GPR179: variants seen among roughly 807,000 people sequenced by gnomAD.
GPR179 encodes probable G protein-coupled receptor 179.
In GPR179, 52 loss-of-function variants were observed where a neutral mutation model predicts 70.8. The observed-to-expected ratio is 0.73, with a 90% confidence interval of 0.59 to 0.93. GPR179 has a LOEUF of 0.93. Ranked by LOEUF, GPR179 falls within the 40% of genes least tolerant of loss-of-function variation. The pLI is 0.00. For synonymous variants in GPR179, 1,123 were observed against 1,169.0 expected, an observed-to-expected ratio of 0.96 and a Z score of 0.80; for missense variants, 2,734 against 2,966.8, an observed-to-expected ratio of 0.92 and a Z score of 1.82.
rs1331794648 is a variant in GPR179, at chr17:38,328,157, C to T, written c.5412G>A (p.Trp1804Ter). The T allele has an allele frequency of 6.2e-7, 1 of 1,613,500 alleles. No homozygotes were observed. Among genetic ancestry groups the T allele is most frequent in the Non-Finnish European group, 8.5e-7 (1 of 1,179,934 alleles). The change falls in exon 11 of 11, where the codon TGG becomes TGA. Residue 1804 changes from tryptophan (W) to a stop codon, truncating the protein, a stop_gained. Coordinates refer to ENST00000616987, the MANE Select transcript of GPR179 (RefSeq NM_001004334.4). LOFTEE classifies it low-confidence loss of function (END_TRUNC). ...MGCRPGEVCP[W>*]EAQEAATSEK... ...CACTGGTAGCAGCTTCCTGTGCTTC[C>T]CAGGGACACACTTCACCTGGCCTGC...
chr17:38,334,976 C>T lies in GPR179; in HGVS notation c.1645+57G>A. Reference sequence around the variant, plus strand: ...TCAGGAGAACCAGAACAAGAGGAACCCTGGAGGCACAGAGGCAGGGACCAG... The same window carrying T: ...TCAGGAGAACCAGAACAAGAGGAACTCTGGAGGCACAGAGGCAGGGACCAG... On this transcript the variant is annotated intron_variant, in intron 7 of 10. Transcript: ENST00000616987. The surrounding 1 kb of genome is among the most constrained non-coding windows in gnomAD (Gnocchi z 4.7). The T allele has an allele frequency of 6.3e-7, 1 of 1,583,214 alleles. No homozygotes were observed. Among genetic ancestry groups the T allele is most frequent in the Non-Finnish European group, 8.6e-7 (1 of 1,156,468 alleles).
At position 38,330,992 on chromosome 17, in the gene GPR179, C is replaced by T. The variant is rs1423093203; in HGVS notation, c.2577G>A (p.Leu859=). 6.2e-7 allele frequency: 1 copy of T among 1,612,146 alleles called. No individual in the cohort carries two copies. Among genetic ancestry groups the T allele is most frequent in the South Asian group, 1.1e-5 (1 of 90,890 alleles). The part of the protein sequence containing the change: ...KALLMASQAY[L]EETYRQAKER... ...CCTTTGCTTGCCGGTAGGTCTCCTC[C>T]AGGTAGGCCTGGCTGGCCATGAGCA... is the stretch of plus-strand genomic sequence containing the variant. Residue 859 remains leucine, a synonymous_variant, in exon 11 of 11, where the codon CTG becomes CTA. Transcript: ENST00000616987.
chr17:38,342,868 A>G (rs1424709593), intron 1 of GPR179, 128 bp downstream of exon 1: 1 of 857,936 alleles, frequency 1.2e-6, no homozygotes, highest in Non-Finnish European at 1.8e-6. Flanking sequence ...GAGTACAAAT[A>G]CCCACATCTG....
chr17:38,327,790 C>G lies in GPR179; in HGVS notation c.5779G>C (p.Glu1927Gln), dbSNP rs2037303946. The G allele has an allele frequency of 6.8e-6, 11 of 1,614,022 alleles. No homozygotes were observed. Among genetic ancestry groups the G allele is most frequent in the Non-Finnish European group, 8.5e-6 (10 of 1,180,038 alleles). ...RQDPKTGSFP[E>Q]HITQEKAPAA... ...GGAGCTTTTTCTTGGGTTATGTGTT[C>G]TGGGAAGGAACCTGTCTTTGGGTCT... Residue 1927 changes from glutamate (E) to glutamine (Q), a missense_variant, in exon 11 of 11, where the codon GAA (glutamate) becomes CAA (glutamine). Physicochemically the swap from Glu to Gln is conservative, Grantham distance 29 (BLOSUM62 2). Transcript: ENST00000616987.
At position 38,326,795 on chromosome 17, in the gene GPR179, A is replaced by C; in HGVS notation, c.6774T>G (p.Ala2258=). Residue 2258 remains alanine, a synonymous_variant, in exon 11 of 11, where the codon GCT becomes GCG. Coordinates refer to ENST00000616987, the MANE Select transcript of GPR179 (RefSeq NM_001004334.4). ...GVPSEESGLL[A]LTATRREFFP... ...AAAATTCTCTCCGAGTTGCTGTTAAAGCCAGGAGGCCAGATTCCTCAGATG... is the reference window on the plus strand; with the variant it reads ...AAAATTCTCTCCGAGTTGCTGTTAACGCCAGGAGGCCAGATTCCTCAGATG... The C allele has an allele frequency of 6.2e-7, 1 of 1,614,232 alleles. No homozygotes were observed.
intron 1 of GPR179, 92 bp downstream of exon 1, chr17:38,342,904 C>A: frequency 1.6e-6 from 2 of 1,254,002 alleles, no homozygotes; most frequent in East Asian, 2.3e-5. Flanking sequence ...TGCACATGTT[C>A]GTGCCAAATG....
Position 38,333,836 on chromosome 17 carries a change from A to G in GPR179, c.1890+97T>C. 3.4e-6 allele frequency: 3 copies of G among 888,344 alleles called. No homozygotes were observed. In the South Asian group the frequency reaches 4.8e-5, roughly 14 times the overall value. The allele number at this position is 888,344 out of a possible 1,614,324, so 55.0% of individuals were successfully genotyped here. A position where few individuals can be genotyped will look rare whatever the true frequency, so the allele number is the denominator to read the frequency against. ...TCACCCAGCACCTTCTGTCGTCCTC[A>G]CCCTGGCCTGCAGAGGGCGCTGCGG... is the stretch of plus-strand genomic sequence containing the variant. On this transcript the variant is annotated intron_variant, in intron 9 of 10. Transcript: ENST00000616987.
In GPR179 at chr17:38,327,234, G is replaced by A. The variant is rs542057732; in HGVS notation, c.6335C>T (p.Ala2112Val). Residue 2112 changes from alanine (A) to valine (V), a missense_variant, in exon 11 of 11, where the codon GCG (alanine) becomes GTG (valine). Physicochemically the swap from Ala to Val is moderately conservative, Grantham distance 64 (BLOSUM62 0). Transcript: ENST00000616987. ...EAAGSVETRV[A>V]EVCLWEVVEA... ...TACCACTTCCCACAGACACACTTCCGCTACCCTGGTCTCCACACTGCCTGC... is the reference window on the plus strand; with the variant it reads ...TACCACTTCCCACAGACACACTTCCACTACCCTGGTCTCCACACTGCCTGC... The A allele has an allele frequency of 8.8e-5, 142 of 1,614,156 alleles. 1 individual carries two copies. In the Admixed American group the frequency reaches 1.9e-3, roughly 22 times the overall value.
rs756525313 is a variant in GPR179 at position 38,329,605 on chromosome 17, G to T, written c.3964C>A (p.Pro1322Thr). Residue 1322 changes from proline (P) to threonine (T), a missense_variant, in exon 11 of 11, where the codon CCC becomes ACC. Coordinates refer to ENST00000616987, the MANE Select transcript of GPR179 (RefSeq NM_001004334.4). ...CCTCCTCGATCGGCACTCTCCCAGG[G>T]ACACACTGCTTCCTGCTCCCTCACC... ...RLVREQEAVCPWESADRGGLS... is the reference protein window; with the variant it reads ...RLVREQEAVCTWESADRGGLS... The T allele has an allele frequency of 3.1e-6, 5 of 1,614,036 alleles. No homozygotes were observed. The highest frequency in any genetic ancestry group is 1.6e-4 in the Middle Eastern group (1 of 6,062).
chr17:38,326,471 C>T lies in GPR179; in HGVS notation c.7098G>A (p.Trp2366Ter). The T allele has an allele frequency of 6.2e-7, 1 of 1,601,128 alleles. No individual in the cohort carries two copies. Among genetic ancestry groups the T allele is most frequent in the Non-Finnish European group, 8.5e-7 (1 of 1,171,440 alleles). Reference sequence around the variant, plus strand: ...ACCTCACCTAATAAGGCTGTTACTCCCAATCCCAAGGATAGACAGTGGGAG... The same window carrying T: ...ACCTCACCTAATAAGGCTGTTACTCTCAATCCCAAGGATAGACAGTGGGAG... The part of the protein sequence containing the change: ...FTPPTVYPWD[W>*]E The change falls in exon 11 of 11, where the codon TGG becomes TGA. Residue 2366 changes from tryptophan to a stop codon, truncating the protein, a stop_gained. Coordinates refer to ENST00000616987, the MANE Select transcript of GPR179 (RefSeq NM_001004334.4). LOFTEE classifies it high-confidence loss of function.
At chr17:38,333,155 T>A in intron 10 of GPR179, 96 bp downstream of exon 10, 1 of 1,105,368 alleles carries the variant, frequency 9.0e-7, no homozygotes, top group Non-Finnish European at 1.3e-6. Context: ...GAAGAGGACT[T>A]GCAGTGGCAC....
At position 38,328,437 on chromosome 17, in the gene GPR179, G is replaced by A; in HGVS notation, c.5132C>T (p.Ala1711Val). ...KAEICPWEVG[A>V]GAGEERALGA... ...CAAAGCCCTTTCCTCCCCTGCTCCA[G>A]CACCCACCTCCCAGGGACAGATTTC... The change falls in exon 11 of 11, where the codon GCT becomes GTT. Residue 1711 changes from alanine to valine, a missense_variant. Transcript: ENST00000616987. The A allele has an allele frequency of 6.2e-7, 1 of 1,609,890 alleles. No individual in the cohort carries two copies. Among genetic ancestry groups the A allele is most frequent in the East Asian group, 2.2e-5 (1 of 44,584 alleles).
intron 9 of GPR179, 128 bp downstream of exon 9, chr17:38,333,805 G>T: frequency 4.5e-6 from 3 of 668,270 alleles, no homozygotes; most frequent in Middle Eastern, 4.1e-4. Flanking sequence ...CTGGCACTGT[G>T]CTCACTCACC....
chr17:38,339,601 GC>G, intron 1 of GPR179, 76 bp from the exon 2 acceptor site: 1 of 1,040,598 alleles, frequency 9.6e-7, no homozygotes. Flanking sequence ...CGTTGTTGGG[GC>G]CCAGAAAATG....
chr17:38,331,398 G>A lies in GPR179; in HGVS notation c.2171C>T (p.Ala724Val), dbSNP rs376647969. Residue 724 changes from alanine to valine, a missense_variant, in exon 11 of 11, where the codon GCG becomes GTG. Ala to Val is a moderately conservative substitution (Grantham distance 64). Coordinates refer to ENST00000616987, the MANE Select transcript of GPR179 (RefSeq NM_001004334.4). ...CCTGGCCAGGGCCTCGGGGAATTCC[G>A]CCAGGTACCTCATGAAGGAGCGGCC... is the stretch of plus-strand genomic sequence containing the variant. ...GLGRSFMRYL[A>V]EFPEALARQH... 2.9e-5 allele frequency: 47 copies of A among 1,613,954 alleles called. 1 individual carries two copies. The African/African-American group carries it at 4.8e-4, about 16-fold the overall frequency.
chr17:38,329,235 G>C lies in GPR179; in HGVS notation c.4334C>G (p.Ala1445Gly). 6.2e-7 allele frequency: 1 copy of C among 1,613,826 alleles called. No homozygotes were observed. The highest frequency in any genetic ancestry group is 8.5e-7 in the Non-Finnish European group (1 of 1,179,864). ...CCCTGAACACTCTGAGCTTCCTGGG[G>C]CCTGAATTGAGACTGCTGAGGGGCC... ...FRGPSAVSIQ[A>G]PGSSECSGSL... The change falls in exon 11 of 11, where the codon GCC becomes GGC. Residue 1445 changes from alanine to glycine, a missense_variant. Ala to Gly is a moderately conservative substitution (Grantham distance 60). Coordinates refer to ENST00000616987, the MANE Select transcript of GPR179 (RefSeq NM_001004334.4).
In GPR179 at chr17:38,329,212, C is replaced by G. The variant is rs976033835; in HGVS notation, c.4357G>C (p.Gly1453Arg). The change falls in exon 11 of 11, where the codon GGG (glycine) becomes CGG (arginine). Residue 1453 changes from glycine to arginine, a missense_variant. Transcript: ENST00000616987. ...IQAPGSSECS[G>R]SLGSGIAEVC... ...TCAGCAATGCCACTGCCCAAACTCCCTGAACACTCTGAGCTTCCTGGGGCC... is the reference window on the plus strand; with the variant it reads ...TCAGCAATGCCACTGCCCAAACTCCGTGAACACTCTGAGCTTCCTGGGGCC... 5.0e-6 allele frequency: 8 copies of G among 1,613,902 alleles called. No individual in the cohort carries two copies. The highest frequency in any genetic ancestry group is 3.3e-5 in the Admixed American group (2 of 59,990).
intron 4 of GPR179, 90 bp downstream of exon 4, chr17:38,336,888 A>T: frequency 7.5e-7 from 1 of 1,326,884 alleles, no homozygotes; most frequent in Non-Finnish European, 1.0e-6. Context: ...GATTAGAACC[A>T]ATTTCTCCTA....
At chr17:38,336,550 A>T (rs139916895) in intron 4 of GPR179, among the ~76,000 whole-genome samples, 1 of 152,270 alleles carries the variant, frequency 6.6e-6, no homozygotes, top group African/African-American at 2.4e-5. Flanking sequence ...AGCCTGGCTC[A>T]TGTCACATCC....
Sources: allele counts gnomAD v4.1 joint callset (sites outside exome capture counted in the v4.1 genomes callset), GRCh38; gene constraint gnomAD v4.1.1; non-coding constraint Gnocchi (gnomAD v3.1); transcripts MANE v1.5; gene names NCBI Gene and HGNC (gene_info 2026-07-23, HGNC 2026-07-21).